ITGA9: variants seen among roughly 807,000 people sequenced by gnomAD.
The protein encoded by ITGA9 is integrin subunit alpha 9.
Under a neutral mutation model 127.8 loss-of-function variants are expected in ITGA9, and 56 were observed. The ratio of observed to expected loss-of-function variants is 0.44; its 90% confidence interval spans 0.35 to 0.55. ITGA9 has a LOEUF of 0.55. ITGA9 is among the 20% of genes least tolerant of loss of function. ITGA9 has a pLI of 0.00. For synonymous variants in ITGA9, 508 were observed against 514.5 expected, an observed-to-expected ratio of 0.99 and a Z score of 0.17; for missense variants, 1,196 against 1,347.1, an observed-to-expected ratio of 0.89 and a Z score of 1.76.
intron 16 of ITGA9, among the ~76,000 whole-genome samples, chr3:37,637,871 C>T (rs1346434997): frequency 6.6e-6 from 1 of 152,114 alleles, no homozygotes; most frequent in African/African-American, 2.4e-5. Context: ...CAAGTTTTCA[C>T]TATGTTGGCC....
intron 16 of ITGA9, among the ~76,000 whole-genome samples, chr3:37,646,325 A>G (rs1358374376): frequency 6.6e-6 from 1 of 152,242 alleles, no homozygotes; most frequent in Middle Eastern, 3.2e-3. Context: ...CACCCTTTTC[A>G]GAAAAAGTTG....
chr3:37,486,023 A>ATT (rs1400549736), intron 4 of ITGA9, among the ~76,000 whole-genome samples: 2 of 152,258 alleles, frequency 1.3e-5, no homozygotes, highest in African/African-American at 4.8e-5. Context: ...ATTAATTACT[A>ATT]TTAACCAAGC....
chr3:37,469,556 C>G (rs1698407060), intron 1 of ITGA9, among the ~76,000 whole-genome samples: 1 of 152,264 alleles, frequency 6.6e-6, no homozygotes, highest in Non-Finnish European at 1.5e-5. Flanking sequence ...ATCCGCACCC[C>G]CAGCAATTCC....
chr3:37,659,885 A>G (rs1482069053), intron 17 of ITGA9, among the ~76,000 whole-genome samples: 1 of 152,052 alleles, frequency 6.6e-6, no homozygotes, highest in Non-Finnish European at 1.5e-5. Context: ...ACACTAGTAC[A>G]TTTTAACTTA....
At chr3:37,738,950 G>A (rs895484050) in intron 20 of ITGA9, among the ~76,000 whole-genome samples, 3 of 152,190 alleles carry the variant, frequency 2.0e-5, no homozygotes, top group African/African-American at 7.2e-5. Flanking sequence ...AGAATCGCCT[G>A]GGGAGCTTTC....
rs1042577459 is a variant in ITGA9, at chr3:37,715,742, G to A, written c.2068-16970G>A. Among the ~76,000 whole-genome samples the A allele has an allele frequency of 6.6e-5, 10 of 152,304 alleles. No individual in the cohort carries two copies. The South Asian group carries it at 1.0e-3, about 16-fold the overall frequency. On this transcript the variant is annotated intron_variant, in intron 18 of 27. Coordinates refer to ENST00000264741, the MANE Select transcript of ITGA9 (RefSeq NM_002207.3). ...GCCCCATTGAAGCATGAGATAGGAC[G>A]AGAGATTCCCAGGACCTGGAAGACC... is the stretch of plus-strand genomic sequence containing the variant.
At chr3:37,660,060 T>A (rs1479735783) in intron 17 of ITGA9, among the ~76,000 whole-genome samples, 1 of 152,072 alleles carries the variant, frequency 6.6e-6, no homozygotes, top group African/African-American at 2.4e-5. Flanking sequence ...TTAGCATTAC[T>A]TTTACTTAGG....
chr3:37,603,135 C>G (rs1415737687), intron 15 of ITGA9, among the ~76,000 whole-genome samples: 1 of 152,220 alleles, frequency 6.6e-6, no homozygotes, highest in African/African-American at 2.4e-5. Flanking sequence ...ACTCAAGTAT[C>G]TTTAAGGTCT....
Position 37,452,576 on chromosome 3 carries a change from C to T in ITGA9, c.185+17C>T, listed in dbSNP as rs371249711. The T allele has an allele frequency of 1.3e-6, 2 of 1,503,692 alleles. No individual in the cohort carries two copies. The highest frequency in any genetic ancestry group is 8.9e-7 in the Non-Finnish European group (1 of 1,124,626). The allele number at this position is 1,503,692 out of a possible 1,614,324, so 93.1% of individuals were successfully genotyped here. A position where few individuals can be genotyped will look rare whatever the true frequency, so the allele number is the denominator to read the frequency against. On this transcript the variant is annotated intron_variant, in intron 1 of 27. Transcript: ENST00000264741. This position sits in a 1 kb window ranked among gnomAD's most constrained non-coding sequence, Gnocchi z 7.3. ...CACGCGCTGGTGAGTGCCCGCCCGA[C>T]TCCGCGACCCTGGCCCGCGCGGCCA... is the stretch of plus-strand genomic sequence containing the variant.
Position 37,589,214 on chromosome 3 carries a change from G to A in ITGA9, c.1690-39973G>A, listed in dbSNP as rs368998247. Among the ~76,000 whole-genome samples, 50 of 152,328 alleles carry A rather than the reference G, an allele frequency of 3.3e-4. 1 individual carries two copies. In the South Asian group the frequency reaches 0.01, roughly 31 times the overall value. On this transcript the variant is annotated intron_variant, in intron 15 of 27. Coordinates refer to ENST00000264741, the MANE Select transcript of ITGA9 (RefSeq NM_002207.3). ...CCAAAGGGAACATCAGCGAATTGTA[G>A]CCACTGTGACTGGAGCTGCTACTAT... is the stretch of plus-strand genomic sequence containing the variant.
chr3:37,567,899 A>T (rs1559538681), intron 15 of ITGA9, among the ~76,000 whole-genome samples: 1 of 151,992 alleles, frequency 6.6e-6, no homozygotes, highest in Non-Finnish European at 1.5e-5. Flanking sequence ...TGGCTTTTCC[A>T]GGTTCATGGC....
chr3:37,609,878 T>G (rs1301093897), intron 15 of ITGA9, among the ~76,000 whole-genome samples: 6 of 152,232 alleles, frequency 3.9e-5, no homozygotes, highest in Non-Finnish European at 8.8e-5. Context: ...GTTGGGGAAT[T>G]GGACCCTACA....
rs771410325 is a variant in ITGA9, at chr3:37,481,474, A to G, written c.421-10A>G. ...ACTTTCCTGCTCTCAACTGCTCTCT[A>G]TCCCTTTAGGCCTGTGCTCATCGCT... On this transcript the variant is annotated splice_polypyrimidine_tract_variant and intron_variant, in intron 3 of 27. Transcript: ENST00000264741. The G allele has an allele frequency of 5.0e-6, 8 of 1,613,936 alleles. No homozygotes were observed. In the East Asian group the frequency reaches 1.1e-4, roughly 22 times the overall value.
intron 14 of ITGA9, among the ~76,000 whole-genome samples, chr3:37,539,253 A>C (rs989237649): frequency 1.3e-5 from 2 of 152,244 alleles, no homozygotes; most frequent in African/African-American, 4.8e-5. Flanking sequence ...GGTTCTCCCC[A>C]AAACAGAGCC....
At chr3:37,647,290 A>C (rs1266278504) in intron 16 of ITGA9, among the ~76,000 whole-genome samples, 1 of 151,522 alleles carries the variant, frequency 6.6e-6, no homozygotes, top group Admixed American at 6.6e-5. Flanking sequence ...TGCATAACAA[A>C]CTCTGAAATT....
chr3:37,778,119 C>T (rs1575233381), intron 24 of ITGA9, among the ~76,000 whole-genome samples: 1 of 152,220 alleles, frequency 6.6e-6, no homozygotes, highest in African/African-American at 2.4e-5. Flanking sequence ...GTGGAAGAAG[C>T]TAGAGACAAA....
At chr3:37,606,793 C>G (rs971663732) in intron 15 of ITGA9, among the ~76,000 whole-genome samples, 1 of 152,062 alleles carries the variant, frequency 6.6e-6, no homozygotes, top group Non-Finnish European at 1.5e-5. Context: ...TCTGTTTGAT[C>G]TCGTTGGGCC....
intron 16 of ITGA9, among the ~76,000 whole-genome samples, chr3:37,650,583 C>G (rs1478015284): frequency 6.6e-6 from 1 of 152,118 alleles, no homozygotes; most frequent in Non-Finnish European, 1.5e-5. Flanking sequence ...AGGCACCCAC[C>G]ACCACACCCG....
In ITGA9 at chr3:37,653,762, C is replaced by T; in HGVS notation, c.1888C>T (p.Gln630Ter). 1 of 1,613,736 alleles carries T rather than the reference C, an allele frequency of 6.2e-7. No individual in the cohort carries two copies. Among genetic ancestry groups the T allele is most frequent in the Non-Finnish European group, 8.5e-7 (1 of 1,179,636 alleles). ...CRSEDCAADL[Q>*]LQGKLLLSSM... is the part of the protein sequence containing the mutation. Reference sequence around the variant, plus strand: ...TTCAGAGGACTGTGCCGCAGACCTGCAGCTTCAGGGTAAACTGCTGCTCTC... The same window carrying T: ...TTCAGAGGACTGTGCCGCAGACCTGTAGCTTCAGGGTAAACTGCTGCTCTC... Residue 630 changes from glutamine to a stop codon, truncating the protein, a stop_gained, in exon 17 of 28, where the codon CAG (glutamine) becomes TAG (stop). Transcript: ENST00000264741. LOFTEE classifies it high-confidence loss of function.
Sources: allele counts gnomAD v4.1 joint callset (sites outside exome capture counted in the v4.1 genomes callset), GRCh38; gene constraint gnomAD v4.1.1; non-coding constraint Gnocchi (gnomAD v3.1); transcripts MANE v1.5; gene names NCBI Gene and HGNC (gene_info 2026-07-23, HGNC 2026-07-21).